The following KBTBD12 variants were observed in gnomAD, a reference collection of about 807,000 sequenced individuals.
KBTBD12 encodes the protein kelch repeat and BTB domain containing 12, also known as kelch repeat and BTB domain-containing protein 12.
A neutral mutation model predicts 58.7 loss-of-function variants in KBTBD12; 53 were observed. That is an observed-to-expected ratio of 0.90 (90% CI 0.72 to 1.14). KBTBD12 has a LOEUF of 1.14. KBTBD12 is among the 50% of genes most tolerant of loss of function. The pLI, the probability that KBTBD12 is intolerant of heterozygous loss-of-function variation, is 0.00. For missense variants in KBTBD12, 704 were observed against 751.3 expected (o/e 0.94, Z 0.74); for synonymous variants, 236 against 259.8 (o/e 0.91, Z 0.88).
chr3:127,973,486 A>T (rs1940718510), intron 5 of KBTBD12, among the ~76,000 whole-genome samples: 1 of 152,178 alleles, frequency 6.6e-6, no homozygotes, highest in African/African-American at 2.4e-5. Flanking sequence ...TATGAACAGG[A>T]TTTTATTCAA....
chr3:127,918,173 G>A (rs1393674367), intron 1 of KBTBD12, among the ~76,000 whole-genome samples: 1 of 152,174 alleles, frequency 6.6e-6, no homozygotes. Flanking sequence ...ACATTTTCAA[G>A]AATACAGAAG....
intron 2 of KBTBD12, among the ~76,000 whole-genome samples, chr3:127,924,356 A>C (rs1452868619): frequency 1.3e-5 from 2 of 148,436 alleles, no homozygotes; most frequent in African/African-American, 4.9e-5. Context: ...AGCATATATA[A>C]AAATATATAA....
chr3:127,926,764 C>G (rs1386723871), intron 2 of KBTBD12, among the ~76,000 whole-genome samples: 2 of 152,136 alleles, frequency 1.3e-5, no homozygotes. Context: ...TAATTTGTTT[C>G]CAAACAGAAC....
Position 127,986,490 on chromosome 3 carries a change from T to C in KBTBD12, c.*2212T>C, listed in dbSNP as rs1940968811. 6.6e-6 allele frequency: 1 copy of C among 151,004 alleles called. No individual in the cohort carries two copies. Among genetic ancestry groups the C allele is most frequent in the African/African-American group, 2.4e-5 (1 of 41,102 alleles). The allele number at this position is 151,004 out of a possible 1,614,324, so 9.4% of individuals were successfully genotyped here. ...ATGGCTTGTGACGGTTCTTTCTTTT[T>C]TTTTTTTTTTTTGAGACGGAGTCTC... On this transcript the variant is annotated 3_prime_UTR_variant, in exon 6 of 6. Coordinates refer to ENST00000405109, the MANE Select transcript of KBTBD12 (RefSeq NM_207335.4).
intron 1 of KBTBD12, among the ~76,000 whole-genome samples, chr3:127,920,879 T>C (rs1013057660): frequency 1.3e-5 from 2 of 152,080 alleles, no homozygotes; most frequent in Non-Finnish European, 2.9e-5. Flanking sequence ...TTCAGTCTTC[T>C]ATAAATTGAA....
At chr3:127,974,704 C>A (rs1343917424) in intron 5 of KBTBD12, among the ~76,000 whole-genome samples, 1 of 152,150 alleles carries the variant, frequency 6.6e-6, no homozygotes, top group African/African-American at 2.4e-5. Flanking sequence ...AAATAATCAT[C>A]TGGCCAGGCA....
At chr3:127,940,203 G>A (rs1939921286) in intron 4 of KBTBD12, among the ~76,000 whole-genome samples, 1 of 151,918 alleles carries the variant, frequency 6.6e-6, no homozygotes, top group Non-Finnish European at 1.5e-5. Context: ...AGAACCAGTA[G>A]ATAGAAAAAC....
intron 3 of KBTBD12, 138 bp downstream of exon 3, chr3:127,928,172 A>G: frequency 1.4e-6 from 1 of 740,478 alleles, no homozygotes; most frequent in Non-Finnish European, 2.2e-6. Flanking sequence ...ATAGAATATA[A>G]CTCAAGGTTT....
At chr3:127,964,695 G>A (rs1001883471) in intron 5 of KBTBD12, among the ~76,000 whole-genome samples, 5 of 151,260 alleles carry the variant, frequency 3.3e-5, no homozygotes, top group Non-Finnish European at 5.9e-5. Flanking sequence ...ATGATATACT[G>A]TCTGAAATTT....
At chr3:127,961,057 C>T (rs114343922) in intron 4 of KBTBD12, among the ~76,000 whole-genome samples, 1 of 152,186 alleles carries the variant, frequency 6.6e-6, no homozygotes, top group South Asian at 2.1e-4. Context: ...CTCTTTGCTT[C>T]CACTTGCTGG....
intron 4 of KBTBD12, among the ~76,000 whole-genome samples, chr3:127,949,359 A>G (rs1399270553): frequency 2.0e-5 from 3 of 152,230 alleles, no homozygotes; most frequent in Non-Finnish European, 4.4e-5. Flanking sequence ...GGAGAGCTAG[A>G]CAAGAGCCAG....
rs760528112 is a variant in KBTBD12, at chr3:127,984,136, A to AAATATT, written c.1730_1731insAATATT (p.Asp577delinsGluIlePhe). The stretch of plus-strand genomic sequence containing the variant: ...ATCTCCAAAGAAATATTGGAACTGG[A>AAATATT]CCCATGGGAAAACCAGTGGAATGTT... On this transcript the variant is annotated protein_altering_variant, in exon 6 of 6. Coordinates refer to ENST00000405109, the MANE Select transcript of KBTBD12 (RefSeq NM_207335.4). The AAATATT allele has an allele frequency of 6.2e-7, 1 of 1,613,866 alleles. No homozygotes were observed. The highest frequency in any genetic ancestry group is 1.1e-5 in the South Asian group (1 of 91,064).
chr3:127,960,057 G>T (rs549501786), intron 4 of KBTBD12, among the ~76,000 whole-genome samples: 9 of 152,176 alleles, frequency 5.9e-5, no homozygotes, highest in Admixed American at 5.9e-4. Context: ...TCAAACCCAG[G>T]GGAAAATAGA....
chr3:127,976,111 A>G (rs2107616437), intron 5 of KBTBD12, among the ~76,000 whole-genome samples: 1 of 152,362 alleles, frequency 6.6e-6, no homozygotes, highest in Non-Finnish European at 1.5e-5. Context: ...AGTAAGCTGC[A>G]TACATCACAC....
In KBTBD12 at chr3:127,923,351, A is replaced by G. The variant is rs186178345; in HGVS notation, c.290A>G (p.Asn97Ser). 1.4e-4 allele frequency: 220 copies of G among 1,613,882 alleles called. No homozygotes were observed. The highest frequency in any genetic ancestry group is 1.6e-4 in the Middle Eastern group (1 of 6,062). Residue 97 changes from asparagine (N) to serine (S), a missense_variant, in exon 2 of 6, where the codon AAT (asparagine) becomes AGT (serine). Coordinates refer to ENST00000405109, the MANE Select transcript of KBTBD12 (RefSeq NM_207335.4). ...ATGTACAATGCAGCTTTGGAGATCA[A>G]TAATGCCAATGTACAGACTGTAGCT... ...NYMYNAALEI[N>S]NANVQTVAMA...
At chr3:127,983,420 C>G (rs1046500985) in intron 5 of KBTBD12, among the ~76,000 whole-genome samples, 1 of 152,102 alleles carries the variant, frequency 6.6e-6, no homozygotes, top group African/African-American at 2.4e-5. Context: ...AACTTGGGCT[C>G]TCATAAGAAT....
At chr3:127,957,224 A>T (rs1940336637) in intron 4 of KBTBD12, among the ~76,000 whole-genome samples, 1 of 152,246 alleles carries the variant, frequency 6.6e-6, no homozygotes, top group Non-Finnish European at 1.5e-5. Context: ...TCACTTAGAC[A>T]CAAGATAAAT....
intron 5 of KBTBD12, among the ~76,000 whole-genome samples, chr3:127,977,359 A>G (rs7636330): frequency 0.31 from 46,456 of 152,094 alleles, 8,897 homozygotes; most frequent in African/African-American, 0.54. Flanking sequence ...CCAATAATGG[A>G]ATTGCTGGGT....
intron 4 of KBTBD12, among the ~76,000 whole-genome samples, chr3:127,950,303 G>A (rs912921010): frequency 2.6e-5 from 4 of 152,074 alleles, no homozygotes; most frequent in Admixed American, 6.6e-5. Context: ...GGAGATAGAA[G>A]GGCCCTAGGC....
Sources: gnomAD v4.1 joint callset for allele counts (sites outside exome capture counted in the v4.1 genomes callset) on GRCh38, gnomAD v4.1.1 for gene constraint, MANE v1.5 for transcripts, NCBI Gene and HGNC (gene_info 2026-07-23, HGNC 2026-07-21) for gene names.